Variants in MAP7D2 observed in about 807,000 individuals in gnomAD.
MAP7D2 encodes the protein MAP7 domain-containing protein 2.
A neutral mutation model predicts 63.5 loss-of-function variants in MAP7D2; 33 were observed. That is an observed-to-expected ratio of 0.52 (90% CI 0.39 to 0.70). The LOEUF (loss-of-function observed/expected upper bound fraction) is 0.70. Ranked by LOEUF, MAP7D2 falls within the 30% of genes least tolerant of loss-of-function variation. MAP7D2 has a pLI of 0.00. For synonymous variants in MAP7D2, 224 were observed against 223.7 expected, an observed-to-expected ratio of 1.00 and a Z score of -0.01; for missense variants, 626 against 604.0, an observed-to-expected ratio of 1.04 and a Z score of -0.38.
At chrX:20,038,262 G>T (rs972873814) in intron 8 of MAP7D2, among the ~76,000 whole-genome samples, 2 of 112,104 alleles carry the variant, frequency 1.8e-5, no homozygotes, top group African/African-American at 6.5e-5. Flanking sequence ...ACTGTCTGTA[G>T]ACCCATGGAA....
chrX:20,010,294 T>C lies in MAP7D2; in HGVS notation c.*26+483A>G, dbSNP rs760604802. 8.9e-5 allele frequency among the ~76,000 whole-genome samples: 10 copies of C among 112,349 alleles called. No individual in the cohort carries two copies. In the South Asian group the frequency reaches 3.7e-3, roughly 41 times the overall value. The stretch of plus-strand genomic sequence containing the variant: ...ACTGCAGTTCTCTCTCCCTCAGGTA[T>C]GATCCAAGAATAGCTGTCTGCTTTG... On this transcript the variant is annotated intron_variant, in intron 16 of 16. Coordinates refer to ENST00000379643, the MANE Select transcript of MAP7D2 (RefSeq NM_001168465.2).
At chrX:20,050,237 C>T (rs1323301008) in intron 6 of MAP7D2, among the ~76,000 whole-genome samples, 1 of 111,027 alleles carries the variant, frequency 9.0e-6, no homozygotes, top group Non-Finnish European at 1.9e-5. Context: ...AGTGTGCAGG[C>T]TAGGTGGGGC....
rs757894195 is a variant in MAP7D2, at chrX:20,039,314, T to C, written c.1007+3188A>G. Among the ~76,000 whole-genome samples, 46 of 112,555 alleles carry C rather than the reference T, an allele frequency of 4.1e-4. No individual in the cohort carries two copies. In the South Asian group the frequency reaches 0.017, roughly 42 times the overall value. ...ACCTTCATGGTGGATGAAGAAACTA[T>C]TGTCATTTCCTTTCTCTTTCCTTTA... is the stretch of plus-strand genomic sequence containing the variant. On this transcript the variant is annotated intron_variant, in intron 8 of 16. Coordinates refer to ENST00000379643, the MANE Select transcript of MAP7D2 (RefSeq NM_001168465.2).
At chrX:20,009,663 C>CAAAAA (rs35018861) in intron 16 of MAP7D2, among the ~76,000 whole-genome samples, 23 of 17,698 alleles carry the variant, frequency 1.3e-3, no homozygotes, top group East Asian at 2.5e-3. Context: ...GATTCCATCT[C>CAAAAA]AAAAAAAAAA....
intron 1 of MAP7D2, among the ~76,000 whole-genome samples, chrX:20,107,806 T>C (rs1240928209): frequency 1.8e-5 from 2 of 111,947 alleles, no homozygotes; most frequent in African/African-American, 6.5e-5. Flanking sequence ...GCCCAGTGGA[T>C]AGTCTTTTTC....
chrX:20,074,983 G>A (rs1294187697), intron 1 of MAP7D2, among the ~76,000 whole-genome samples: 2 of 111,681 alleles, frequency 1.8e-5, no homozygotes, highest in African/African-American at 3.3e-5. Context: ...AACCTGGGAG[G>A]TGGAGGTTAC....
chrX:20,012,353 C>T lies in MAP7D2; in HGVS notation c.2068G>A (p.Val690Met), dbSNP rs1380257921. ...DSTEEVQSMD[V>M]SPVSKEELIS... is the part of the protein sequence containing the mutation. ...ATGCAAAAGAAATGAATATACCTCA[C>T]ATCCATAGACTGAACTTCTTCAGTT... The change falls in exon 15 of 17, where the codon GTG (valine) becomes ATG (methionine). Residue 690 changes from valine to methionine, a missense_variant. Physicochemically the swap from Val to Met is conservative, Grantham distance 21. Coordinates refer to ENST00000379643, the MANE Select transcript of MAP7D2 (RefSeq NM_001168465.2). 2.5e-6 allele frequency: 3 copies of T among 1,185,468 alleles called. No homozygotes were observed. The highest frequency in any genetic ancestry group is 2.4e-4 in the Middle Eastern group (1 of 4,219).
chrX:20,047,753 C>T (rs1281201340), intron 6 of MAP7D2, among the ~76,000 whole-genome samples: 1 of 109,234 alleles, frequency 9.2e-6, no homozygotes, highest in Admixed American at 9.9e-5. Context: ...GAGGTTGAGG[C>T]CACAGTGAGC....
chrX:20,103,774 C>T (rs941978144), intron 1 of MAP7D2, among the ~76,000 whole-genome samples: 2 of 112,104 alleles, frequency 1.8e-5, no homozygotes, highest in Non-Finnish European at 3.8e-5. Flanking sequence ...CAGTTCAGAC[C>T]TAGAACATTT....
chrX:20,019,025 C>CT (rs377008672), intron 10 of MAP7D2, among the ~76,000 whole-genome samples: 29 of 104,215 alleles, frequency 2.8e-4, no homozygotes, highest in Non-Finnish European at 2.4e-4. Context: ...GTGTGTAGTC[C>CT]TTTTTTTTTT....
At chrX:20,054,002 C>A (rs1198351035) in intron 4 of MAP7D2, among the ~76,000 whole-genome samples, 1 of 111,336 alleles carries the variant, frequency 9.0e-6, no homozygotes, top group African/African-American at 3.3e-5. Context: ...TGCCACCACG[C>A]CCAGCTAATT....
At chrX:20,090,990 A>AGAAT (rs1181843155) in intron 1 of MAP7D2, among the ~76,000 whole-genome samples, 3 of 110,094 alleles carry the variant, frequency 2.7e-5, no homozygotes, top group African/African-American at 9.9e-5. Context: ...AAAGAAAGAA[A>AGAAT]GAATGGATAA....
At chrX:20,083,992 G>A (rs1240417200) in intron 1 of MAP7D2, among the ~76,000 whole-genome samples, 2 of 110,998 alleles carry the variant, frequency 1.8e-5, no homozygotes, top group Non-Finnish European at 3.8e-5. Flanking sequence ...CTTGAGGTCA[G>A]GGGTACGAGA....
chrX:20,079,976 T>C (rs1476756334), intron 1 of MAP7D2, among the ~76,000 whole-genome samples: 1 of 111,453 alleles, frequency 9.0e-6, no homozygotes, highest in African/African-American at 3.3e-5. Context: ...AACTCAAAGG[T>C]AGCGAAGGAA....
intron 1 of MAP7D2, among the ~76,000 whole-genome samples, chrX:20,085,479 G>A (rs1184693531): frequency 8.9e-6 from 1 of 111,931 alleles, no homozygotes; most frequent in Non-Finnish European, 1.9e-5. Context: ...CCTTTTTATA[G>A]TAACAAGGAA....
chrX:20,069,712 T>C (rs1334957428), intron 1 of MAP7D2, among the ~76,000 whole-genome samples: 2 of 110,426 alleles, frequency 1.8e-5, no homozygotes, highest in South Asian at 3.9e-4. Context: ...TACTGTTCTA[T>C]AGTTTTGTAG....
Position 20,116,870 on chromosome X carries a change from C to G in MAP7D2, c.10G>C (p.Gly4Arg). The change falls in exon 1 of 17, where the codon GGC (glycine) becomes CGC (arginine). Residue 4 changes from glycine (G) to arginine (R), a missense_variant. Coordinates refer to ENST00000379643, the MANE Select transcript of MAP7D2 (RefSeq NM_001168465.2). Reference protein sequence around the residue: MERGGGGSGTGSRP... With the variant: MERRGGGSGTGSRP... ...GATCCCGTCCCGGAGCCGCCGCCGCCGCGCTCCATCGGGATGCGCCGGCCG... is the reference window on the plus strand; with the variant it reads ...GATCCCGTCCCGGAGCCGCCGCCGCGGCGCTCCATCGGGATGCGCCGGCCG... 8.8e-7 allele frequency: 1 copy of G among 1,135,218 alleles called. No homozygotes were observed. Among genetic ancestry groups the G allele is most frequent in the East Asian group, 3.7e-5 (1 of 27,233 alleles). The allele number at this position is 1,135,218 out of a possible 1,213,427, so 93.6% of individuals were successfully genotyped here.
intron 1 of MAP7D2, among the ~76,000 whole-genome samples, chrX:20,093,549 C>A: frequency 9.1e-6 from 1 of 110,487 alleles, no homozygotes. Context: ...CGGAGCTACT[C>A]AGGAGGCTGA....
chrX:20,073,865 G>A (rs1196093703), intron 1 of MAP7D2, among the ~76,000 whole-genome samples: 2 of 102,234 alleles, frequency 2.0e-5, no homozygotes, highest in Non-Finnish European at 4.0e-5. Context: ...GGCCGGGCGC[G>A]GTGGCTCACG....
Sources: allele counts gnomAD v4.1 joint callset (sites outside exome capture counted in the v4.1 genomes callset), GRCh38; gene constraint gnomAD v4.1.1; transcripts MANE v1.5; gene names NCBI Gene and HGNC (gene_info 2026-07-23, HGNC 2026-07-21).